CES5A: variants seen among roughly 807,000 people sequenced by gnomAD.
The protein encoded by CES5A is carboxylesterase 5.
CES5A carries 67 observed loss-of-function variants against 62.9 expected under a neutral mutation model. The observed-to-expected ratio is 1.07, with a 90% CI of 0.88 to 1.31. CES5A has a LOEUF of 1.31. CES5A is among the 50% of genes most tolerant of loss of function. CES5A has a pLI of 0.00. For synonymous variants in CES5A, 296 were observed against 280.8 expected, an observed-to-expected ratio of 1.05 and a Z score of -0.54; for missense variants, 748 against 708.5, an observed-to-expected ratio of 1.06 and a Z score of -0.63.
At chr16:55,943,620 A>C (rs1243078733) in intron 2 of CES5A, among the ~76,000 whole-genome samples, 2 of 152,268 alleles carry the variant, frequency 1.3e-5, no homozygotes, top group African/African-American at 4.8e-5. Flanking sequence ...TAAAACAAAC[A>C]TACATATCCA....
chr16:55,913,718 A>T (rs1204373146), intron 1 of CES5A, among the ~76,000 whole-genome samples: 2 of 152,242 alleles, frequency 1.3e-5, no homozygotes, highest in African/African-American at 4.8e-5. Context: ...CAACCTCGCC[A>T]ACTCAGTCTT....
chr16:55,949,569 T>C (rs1431142347), intron 2 of CES5A, among the ~76,000 whole-genome samples: 1 of 152,192 alleles, frequency 6.6e-6, no homozygotes, highest in African/African-American at 2.4e-5. Context: ...CCTGCACTAA[T>C]AATTCAAGGC....
intron 1 of CES5A, among the ~76,000 whole-genome samples, chr16:55,897,486 C>A (rs2033945695): frequency 6.6e-6 from 1 of 152,176 alleles, no homozygotes. Context: ...CCTTTCTTGT[C>A]AGTCAACACC....
intron 1 of CES5A, among the ~76,000 whole-genome samples, chr16:55,918,102 G>A (rs768040503): frequency 6.6e-6 from 1 of 152,178 alleles, no homozygotes; most frequent in East Asian, 1.9e-4. Flanking sequence ...GGCAGGCACA[G>A]AGGTACCTGG....
chr16:55,941,118 T>C (rs909196041), intron 2 of CES5A, among the ~76,000 whole-genome samples: 3 of 152,042 alleles, frequency 2.0e-5, no homozygotes, highest in Non-Finnish European at 4.4e-5. Context: ...TCACTGCTCC[T>C]TTTTAATATT....
intron 2 of CES5A, among the ~76,000 whole-genome samples, chr16:55,932,907 T>C (rs1257967412): frequency 6.6e-6 from 1 of 152,212 alleles, no homozygotes; most frequent in Non-Finnish European, 1.5e-5. Context: ...GTAGGGACAT[T>C]AATTAGGTGA....
At chr16:55,928,007 GC>G (rs2034275623), upstream of CES5A, among the ~76,000 whole-genome samples, 1 of 152,200 alleles carries the variant, frequency 6.6e-6, no homozygotes, top group African/African-American at 2.4e-5. Context: ...ACTTTGGGAG[GC>G]CGAGGCGGAT....
intron 2 of CES5A, among the ~76,000 whole-genome samples, chr16:55,945,685 T>C (rs1209930622): frequency 6.6e-6 from 1 of 152,246 alleles, no homozygotes; most frequent in Non-Finnish European, 1.5e-5. Flanking sequence ...ATCTGCGGTC[T>C]TTCTTGAAAG....
chr16:55,892,701 C>A, intron 1 of CES5A, among the ~76,000 whole-genome samples: 1 of 147,944 alleles, frequency 6.8e-6, no homozygotes, highest in African/African-American at 2.5e-5. Context: ...TAAAAGCTCA[C>A]ACTCTAACAA....
chr16:55,929,241 C>G (rs573609231), upstream of CES5A, among the ~76,000 whole-genome samples: 2 of 152,330 alleles, frequency 1.3e-5, no homozygotes, highest in African/African-American at 2.4e-5. Context: ...TGAGATGCTT[C>G]CCACTCTCCT....
At chr16:55,870,674 G>A (rs1354130486) in intron 3 of CES5A, among the ~76,000 whole-genome samples, 1 of 152,050 alleles carries the variant, frequency 6.6e-6, no homozygotes, top group African/African-American at 2.4e-5. Context: ...CTCCAGCCTG[G>A]GCAACAGAGC....
intron 1 of CES5A, among the ~76,000 whole-genome samples, chr16:55,952,408 A>G (rs1016413136): frequency 4.2e-5 from 6 of 142,008 alleles, no homozygotes; most frequent in East Asian, 1.9e-4. Context: ...AGAGGAAGAT[A>G]TTAATAAAGA....
chr16:55,885,898 A>G (rs1359796401), intron 1 of CES5A, among the ~76,000 whole-genome samples: 1 of 152,224 alleles, frequency 6.6e-6, no homozygotes, highest in Non-Finnish European at 1.5e-5. Context: ...AAGATGAGGC[A>G]AGCACATTTG....
chr16:55,848,918 G>T (rs1487467351), intron 11 of CES5A, among the ~76,000 whole-genome samples: 1 of 152,160 alleles, frequency 6.6e-6, no homozygotes. Flanking sequence ...TTGTGAGGAT[G>T]AAAAACTGAA....
At chr16:55,950,829 C>T (rs1000367527) in intron 1 of CES5A, among the ~76,000 whole-genome samples, 4 of 151,224 alleles carry the variant, frequency 2.6e-5, no homozygotes, top group Non-Finnish European at 5.9e-5. Flanking sequence ...TGGCCGGGCA[C>T]GGGTGGCTCA....
intron 2 of CES5A, among the ~76,000 whole-genome samples, chr16:55,945,390 G>T (rs1380840316): frequency 6.6e-6 from 1 of 152,238 alleles, no homozygotes; most frequent in Non-Finnish European, 1.5e-5. Flanking sequence ...CTCCAGGAGC[G>T]CTGCCTTCAG....
At chr16:55,851,869 A>T (rs1338401450) in intron 10 of CES5A, among the ~76,000 whole-genome samples, 2 of 152,234 alleles carry the variant, frequency 1.3e-5, no homozygotes, top group Non-Finnish European at 2.9e-5. Context: ...AAAAAGGAGG[A>T]AATTCTGATG....
In CES5A at chr16:55,871,643, ATCGGCG is replaced by A; in HGVS notation, c.393_398del (p.Ala132_Asp133del). ...GCCTTACGGGGAGCTTGGAGCCTGT[ATCGGCG>A]TGGGCAGGCGCATAGATGTTCAGGT... On this transcript the variant is annotated inframe_deletion, in exon 3 of 13. Coordinates refer to ENST00000290567, the MANE Select transcript of CES5A (RefSeq NM_001143685.2). 6.2e-7 allele frequency: 1 copy of A among 1,614,108 alleles called. No homozygotes were observed. Among genetic ancestry groups the A allele is most frequent in the Admixed American group, 1.7e-5 (1 of 60,012 alleles).
intron 2 of CES5A, among the ~76,000 whole-genome samples, chr16:55,941,265 G>A (rs893448864): frequency 6.6e-6 from 1 of 152,062 alleles, no homozygotes; most frequent in Admixed American, 6.6e-5. Context: ...ATCTATAAAA[G>A]CTTCTAAAAC....
Sources: gnomAD v4.1 joint callset for allele counts (sites outside exome capture counted in the v4.1 genomes callset) on GRCh38, gnomAD v4.1.1 for gene constraint, MANE v1.5 for transcripts, NCBI Gene and HGNC (gene_info 2026-07-23, HGNC 2026-07-21) for gene names.